Variants in PLXNA3 observed in about 807,000 individuals in gnomAD.
PLXNA3 encodes plexin A3.
Under a neutral mutation model 118.8 loss-of-function variants are expected in PLXNA3, and 52 were observed. That is an observed-to-expected ratio of 0.44 (90% CI 0.35 to 0.55). PLXNA3 has a LOEUF of 0.55. Ranked by LOEUF, PLXNA3 falls within the 20% of genes least tolerant of loss-of-function variation. The pLI is 0.01. For missense variants in PLXNA3, 1,660 were observed against 1,730.8 expected, an observed-to-expected ratio of 0.96 and a Z score of 0.73; for synonymous variants, 925 against 762.4, an observed-to-expected ratio of 1.21 and a Z score of -3.51.
At chrX:154,461,912 C>G (rs1442163747) in intron 3 of PLXNA3, among the ~76,000 whole-genome samples, 3 of 112,239 alleles carry the variant, frequency 2.7e-5, no homozygotes, top group East Asian at 2.8e-4. Flanking sequence ...CAACAAGAGT[C>G]TTGTGGGCCC....
At position 154,471,142 on chromosome X, in the gene PLXNA3, C is replaced by T; in HGVS notation, c.5194C>T (p.Pro1732Ser). Reference sequence around the variant, plus strand: ...CTTCTGGGTGAATGTGATCAAGAACCCGCAGTTCGTGTTCGACATCCACAA... The same window carrying T: ...CTTCTGGGTGAATGTGATCAAGAACTCGCAGTTCGTGTTCGACATCCACAA... ...LRFWVNVIKN[P>S]QFVFDIHKNS... Residue 1732 changes from proline to serine, a missense_variant, in exon 31 of 33, where the codon CCG becomes TCG. Coordinates refer to ENST00000369682, the MANE Select transcript of PLXNA3 (RefSeq NM_017514.5). The T allele has an allele frequency of 1.7e-6, 2 of 1,211,056 alleles. No homozygotes were observed. The highest frequency in any genetic ancestry group is 2.2e-6 in the Non-Finnish European group (2 of 895,058).
rs782639222 is a variant in PLXNA3, at chrX:154,467,581, C to T, written c.3478C>T (p.Arg1160Cys). The stretch of plus-strand genomic sequence containing the variant: ...GATTCCCGCTGCAGCCGGCAGCTCC[C>T]GCCTCAACTACACTGTGCTGATAGG... ...NLIPAAAGSS[R>C]LNYTVLIGGQ... The change falls in exon 20 of 33, where the codon CGC becomes TGC. Residue 1160 changes from arginine to cysteine, a missense_variant. Arg to Cys is a radical substitution (Grantham distance 180). Around this residue, in one of 2 missense-constraint regions of PLXNA3, gnomAD observed 869 missense variants for 1,078.7 expected, o/e 0.81. Coordinates refer to ENST00000369682, the MANE Select transcript of PLXNA3 (RefSeq NM_017514.5). The T allele has an allele frequency of 9.2e-6, 11 of 1,198,184 alleles. No homozygotes were observed. Among genetic ancestry groups the T allele is most frequent in the Admixed American group, 4.5e-5 (2 of 44,276 alleles).
In PLXNA3 at chrX:154,467,707, A is replaced by C; in HGVS notation, c.3585+19A>C. 6.6e-6 allele frequency: 8 copies of C among 1,203,589 alleles called. No individual in the cohort carries two copies. The highest frequency in any genetic ancestry group is 7.8e-6 in the Non-Finnish European group (7 of 892,952). ...TGTCATGGTAGGTGGGGATGGGGAG[A>C]CCCCCTGGGCAGCCCAGGGTGGGCG... On this transcript the variant is annotated intron_variant, in intron 20 of 32. Coordinates refer to ENST00000369682, the MANE Select transcript of PLXNA3 (RefSeq NM_017514.5).
rs2069017393 is a variant in PLXNA3 at position 154,463,608 on chromosome X, G to C, written c.1465G>C (p.Glu489Gln). The change falls in exon 6 of 33, where the codon GAG (glutamate) becomes CAG (glutamine). Residue 489 changes from glutamate to glutamine, a missense_variant. Around this residue, in one of 2 missense-constraint regions of PLXNA3, gnomAD observed 791 missense variants for 652.1 expected, o/e 1.21. Transcript: ENST00000369682. ...TCCCCAGGTGAGCCAGCTCCCGGTG[G>C]AGACCTGTGAGCAGTACCAGAGCTG... Reference protein sequence around the residue: ...SEKQVSQLPVETCEQYQSCAA... With the variant: ...SEKQVSQLPVQTCEQYQSCAA... The C allele has an allele frequency of 8.3e-7, 1 of 1,200,200 alleles. No individual in the cohort carries two copies. Among genetic ancestry groups the C allele is most frequent in the African/African-American group, 1.8e-5 (1 of 56,994 alleles).
At chrX:154,463,309 A>C in intron 4 of PLXNA3, 82 bp from the exon 5 acceptor site, 2 of 1,181,611 alleles carry the variant, frequency 1.7e-6, no homozygotes, top group Non-Finnish European at 2.3e-6. Context: ...GCTCAGCCAC[A>C]ACCTCCAAAG....
rs1557211045 is a variant in PLXNA3, at chrX:154,477,340, ATC to A, written c.*4657_*4658del. 1 of 112,556 alleles carries A rather than the reference ATC, an allele frequency of 8.9e-6. No individual in the cohort carries two copies. Among genetic ancestry groups the A allele is most frequent in the Non-Finnish European group, 1.9e-5 (1 of 53,344 alleles). The allele number at this position is 112,556 out of a possible 1,213,427, so 9.3% of individuals were successfully genotyped here. On this transcript the variant is annotated 3_prime_UTR_variant, in exon 33 of 33. Coordinates refer to ENST00000369682, the MANE Select transcript of PLXNA3 (RefSeq NM_017514.5). ...ACCTCTTCCTTTTCACTCTCAGAAA[ATC>A]TGATAGAATCTATAAAAGAGCCCTA...
rs782607201 is a variant in PLXNA3, at chrX:154,461,329, C to T, written c.825C>T (p.Tyr275=). 1.6e-4 allele frequency: 195 copies of T among 1,211,670 alleles called. No homozygotes were observed. Among genetic ancestry groups the T allele is most frequent in the South Asian group, 7.5e-4 (43 of 57,022 alleles). ...MCAGDSEFYS[Y]VEFPIGCSWR... ...CGGGAGACTCAGAGTTCTACTCATA[C>T]GTGGAATTCCCCATCGGCTGCTCCT... The change falls in exon 3 of 33, where the codon TAC becomes TAT. Residue 275 remains tyrosine, a synonymous_variant. Transcript: ENST00000369682.
Position 154,465,664 on chromosome X carries a change from G to A in PLXNA3, c.2349G>A (p.Leu783=), listed in dbSNP as rs1482908644. 4.1e-6 allele frequency: 5 copies of A among 1,207,913 alleles called. No homozygotes were observed. The African/African-American group carries it at 7.0e-5, about 17-fold the overall frequency. ...IDKPPSFRAL[L]YKCWAQRPSC... ...TGCCTTCTGTGCCTGCAGCCCTCCT[G>A]TACAAGTGCTGGGCGCAGCGGCCCA... The change falls in exon 13 of 33, where the codon CTG becomes CTA. Residue 783 remains leucine (L), a synonymous_variant. Coordinates refer to ENST00000369682, the MANE Select transcript of PLXNA3 (RefSeq NM_017514.5).
rs1168608809 is a variant in PLXNA3 at position 154,460,875 on chromosome X, T to G, written c.594+98T>G. 5.7e-6 allele frequency: 4 copies of G among 700,449 alleles called. No individual in the cohort carries two copies. The Admixed American group carries it at 1.4e-4, about 25-fold the overall frequency. The allele number at this position is 700,449 out of a possible 1,213,427, so 57.7% of individuals were successfully genotyped here. ...TGAGAGGGGACTTTCGGCTCCTCAG[T>G]GTCTGGGATGCAGACAGGTTGCGGA... On this transcript the variant is annotated intron_variant, in intron 2 of 32. Coordinates refer to ENST00000369682, the MANE Select transcript of PLXNA3 (RefSeq NM_017514.5).
At chrX:154,462,760 G>A (rs2068997682) in intron 4 of PLXNA3, among the ~76,000 whole-genome samples, 1 of 111,253 alleles carries the variant, frequency 9.0e-6, no homozygotes, top group Non-Finnish European at 1.9e-5. Flanking sequence ...ATGGGCCCGG[G>A]GGCTGAAGCT....
intron 17 of PLXNA3, 68 bp from the exon 18 acceptor site, chrX:154,466,989 T>G: frequency 9.7e-7 from 1 of 1,026,846 alleles, no homozygotes; most frequent in African/African-American, 1.8e-5. Flanking sequence ...CATGGCAGCC[T>G]TGATCGCTCT....
chrX:154,462,542 C>T (rs1274266803), intron 4 of PLXNA3, among the ~76,000 whole-genome samples: 3 of 112,342 alleles, frequency 2.7e-5, no homozygotes, highest in East Asian at 2.8e-4. Context: ...TTGCCAGCTT[C>T]GTATGGCTCT....
chrX:154,461,314 A>G lies in PLXNA3; in HGVS notation c.810A>G (p.Ser270=), dbSNP rs782597136. 11 of 1,211,646 alleles carry G rather than the reference A, an allele frequency of 9.1e-6. No individual in the cohort carries two copies. The highest frequency in any genetic ancestry group is 1.1e-5 in the Non-Finnish European group (10 of 895,397). The change falls in exon 3 of 33, where the codon TCA becomes TCG. Residue 270 remains serine, a synonymous_variant. Coordinates refer to ENST00000369682, the MANE Select transcript of PLXNA3 (RefSeq NM_017514.5). The part of the protein sequence containing the change: ...SKIVRMCAGD[S]EFYSYVEFPI... ...TCGTGCGCATGTGCGCGGGAGACTC[A>G]GAGTTCTACTCATACGTGGAATTCC...
rs946684390 is a variant in PLXNA3, at chrX:154,462,460, G to A, written c.1317+150G>A. 1.7e-4 allele frequency: 71 copies of A among 429,040 alleles called. No homozygotes were observed. In the Middle Eastern group the frequency reaches 2.0e-3, roughly 12 times the overall value. 35.4% of individuals were successfully genotyped at this position (429,040 alleles called of 1,213,427 possible). On this transcript the variant is annotated intron_variant, in intron 4 of 32. Transcript: ENST00000369682. ...AGATTTCCCTGGCTGGGTCCCAGGC[G>A]CCTGGCCCTGCTCCTCGGGTCGCCC...
At position 154,462,097 on chromosome X, in the gene PLXNA3, ACTCTCACGGGTTCCTC is replaced by A; in HGVS notation, c.1135-26_1135-11del. 1 of 1,135,342 alleles carries A rather than the reference ACTCTCACGGGTTCCTC, an allele frequency of 8.8e-7. No homozygotes were observed. The highest frequency in any genetic ancestry group is 1.2e-6 in the Non-Finnish European group (1 of 850,743). 93.6% of individuals were successfully genotyped at this position (1,135,342 alleles called of 1,213,427 possible). A position where few individuals can be genotyped will look rare whatever the true frequency, so the allele number is the denominator to read the frequency against. ...CTCCATCTTGCGCCTGGGAGCTTTG[ACTCTCACGGGTTCCTC>A]CTCTGTTTCACCAGCCCATGCAGAT... On this transcript the variant is annotated splice_polypyrimidine_tract_variant and intron_variant, in intron 3 of 32. Transcript: ENST00000369682.
At position 154,467,613 on chromosome X, in the gene PLXNA3, G is replaced by C; in HGVS notation, c.3510G>C (p.Gln1170His). The C allele has an allele frequency of 8.3e-7, 1 of 1,208,836 alleles. No homozygotes were observed. Among genetic ancestry groups the C allele is most frequent in the East Asian group, 3.0e-5 (1 of 33,773 alleles). Residue 1170 changes from glutamine (Q) to histidine (H), a missense_variant, in exon 20 of 33, where the codon CAG (glutamine) becomes CAC (histidine). Physicochemically the swap from Gln to His is conservative, Grantham distance 24 (BLOSUM62 0). Transcript: ENST00000369682. ...ACTACACTGTGCTGATAGGAGGCCA[G>C]CCGTGTTCGCTCACTGTCTCGGACA... ...RLNYTVLIGG[Q>H]PCSLTVSDTQ...
chrX:154,464,238 G>A lies in PLXNA3; in HGVS notation c.1753G>A (p.Val585Ile), dbSNP rs1557206096. 1.7e-6 allele frequency: 2 copies of A among 1,208,292 alleles called. No individual in the cohort carries two copies. Among genetic ancestry groups the A allele is most frequent in the Admixed American group, 4.3e-5 (2 of 45,984 alleles). Residue 585 changes from valine to isoleucine, a missense_variant, in exon 8 of 33, where the codon GTC becomes ATC. By Grantham distance (29) the Val-to-Ile change is conservative. Around this residue, in one of 2 missense-constraint regions of PLXNA3, gnomAD observed 791 missense variants for 652.1 expected, o/e 1.21. Coordinates refer to ENST00000369682, the MANE Select transcript of PLXNA3 (RefSeq NM_017514.5). ...AFEAAAENEA[V>I]LLPSGELLCP... is the part of the protein sequence containing the mutation. ...CGAGGCGGCGGCGGAGAACGAGGCG[G>A]TCCTGCTGCCCTCCGGTGAACTGCT... is the stretch of plus-strand genomic sequence containing the variant.
rs200788481 is a variant in PLXNA3, at chrX:154,461,342, A to G, written c.838A>G (p.Ile280Val). ...GTTCTACTCATACGTGGAATTCCCCATCGGCTGCTCCTGGCGCGGCGTGGA... is the reference window on the plus strand; with the variant it reads ...GTTCTACTCATACGTGGAATTCCCCGTCGGCTGCTCCTGGCGCGGCGTGGA... ...SEFYSYVEFP[I>V]GCSWRGVEYR... The change falls in exon 3 of 33, where the codon ATC becomes GTC. Residue 280 changes from isoleucine to valine, a missense_variant. Transcript: ENST00000369682. 5.0e-5 allele frequency: 61 copies of G among 1,211,525 alleles called. No individual in the cohort carries two copies. The East Asian group carries it at 1.8e-3, about 36-fold the overall frequency.
At chrX:154,469,952 G>A (rs1557208800) in intron 28 of PLXNA3, 25 bp from the exon 29 acceptor site, 1 of 1,202,977 alleles carries the variant, frequency 8.3e-7, no homozygotes, top group African/African-American at 1.7e-5. Context: ...GGTGGCCTAA[G>A]GGTCACATGC....
Sources: gnomAD v4.1 joint callset for allele counts (sites outside exome capture counted in the v4.1 genomes callset) on GRCh38, gnomAD v4.1.1 for gene constraint, gnomAD v4.1.1 regional missense constraint, MANE v1.5 for transcripts, NCBI Gene and HGNC (gene_info 2026-07-23, HGNC 2026-07-21) for gene names.